TMEM108: variants seen among roughly 807,000 people sequenced by gnomAD.
The protein encoded by TMEM108 is cancer/testis antigen 124.
A neutral mutation model predicts 35.1 loss-of-function variants in TMEM108; 12 were observed. The observed-to-expected ratio is 0.34, with a 90% CI of 0.22 to 0.55. TMEM108 has a LOEUF of 0.55. Among genes scored for constraint, TMEM108 ranks in the 20% least tolerant of loss-of-function variants. The pLI is 0.89. For missense variants in TMEM108, 680 were observed against 753.3 expected (o/e 0.90, Z 1.14); for synonymous variants, 287 against 308.6 (o/e 0.93, Z 0.73).
intron 3 of TMEM108, among the ~76,000 whole-genome samples, chr3:133,265,354 C>T (rs1946682870): frequency 6.6e-6 from 1 of 152,132 alleles, no homozygotes; most frequent in Non-Finnish European, 1.5e-5. Context: ...GAGCTCCCAA[C>T]CTGTTGGTAG....
chr3:133,057,443 A>C (rs34975339), intron 2 of TMEM108, among the ~76,000 whole-genome samples: 1 of 11,462 alleles, frequency 8.7e-5, no homozygotes, highest in African/African-American at 2.0e-4. Context: ...GTGTATATAT[A>C]TATATATATA....
At chr3:133,149,694 A>G (rs1022223743) in intron 2 of TMEM108, among the ~76,000 whole-genome samples, 2 of 152,190 alleles carry the variant, frequency 1.3e-5, no homozygotes, top group African/African-American at 4.8e-5. Context: ...TAAAGGCTGA[A>G]TAGTATTCCC....
intron 2 of TMEM108, among the ~76,000 whole-genome samples, chr3:133,226,649 T>C (rs1946075635): frequency 6.6e-6 from 1 of 152,202 alleles, no homozygotes; most frequent in Non-Finnish European, 1.5e-5. Flanking sequence ...CAGGTTTCTT[T>C]GGAATTCCCT....
chr3:133,144,682 C>T (rs549708953), intron 2 of TMEM108, among the ~76,000 whole-genome samples: 1 of 152,308 alleles, frequency 6.6e-6, no homozygotes, highest in East Asian at 1.9e-4. Context: ...AAGATGGTAT[C>T]TCATTGTGCT....
intron 2 of TMEM108, among the ~76,000 whole-genome samples, chr3:133,152,255 A>G (rs1177224817): frequency 6.6e-6 from 1 of 152,204 alleles, no homozygotes; most frequent in East Asian, 1.9e-4. Context: ...TCTTGTGCAA[A>G]CAATTGGTCT....
At chr3:133,199,702 G>C (rs1378911193) in intron 2 of TMEM108, among the ~76,000 whole-genome samples, 1 of 152,130 alleles carries the variant, frequency 6.6e-6, no homozygotes, top group Non-Finnish European at 1.5e-5. Context: ...CCTCTACTGG[G>C]AGGTGCCTCC....
chr3:133,197,360 T>C (rs1945593938), intron 2 of TMEM108, among the ~76,000 whole-genome samples: 1 of 152,082 alleles, frequency 6.6e-6, no homozygotes, highest in African/African-American at 2.4e-5. Flanking sequence ...TGGGAGGTGA[T>C]ACCAGGGATC....
intron 2 of TMEM108, among the ~76,000 whole-genome samples, chr3:133,178,327 C>T (rs979832934): frequency 6.6e-6 from 1 of 152,074 alleles, no homozygotes; most frequent in African/African-American, 2.4e-5. Flanking sequence ...TCATATGGAA[C>T]CAAAAAAGAG....
chr3:133,227,605 A>C (rs1254981094), intron 2 of TMEM108, among the ~76,000 whole-genome samples: 1 of 151,642 alleles, frequency 6.6e-6, no homozygotes, highest in Admixed American at 6.6e-5. Context: ...CCTTAAAAAC[A>C]TTATGCTGAG....
intron 2 of TMEM108, among the ~76,000 whole-genome samples, chr3:133,137,854 T>C (rs1426668892): frequency 6.6e-6 from 1 of 152,160 alleles, no homozygotes; most frequent in Non-Finnish European, 1.5e-5. Context: ...CCATCCAAAG[T>C]GGCTTCCTGC....
At chr3:133,079,931 C>T (rs1297154555) in intron 2 of TMEM108, among the ~76,000 whole-genome samples, 1 of 152,148 alleles carries the variant, frequency 6.6e-6, no homozygotes, top group East Asian at 1.9e-4. Flanking sequence ...AGTGCTTTCT[C>T]TATATAGCCA....
At chr3:133,302,883 G>A (rs986793682) in intron 3 of TMEM108, among the ~76,000 whole-genome samples, 1 of 152,124 alleles carries the variant, frequency 6.6e-6, no homozygotes, top group African/African-American at 2.4e-5. Context: ...TATAAGAAGA[G>A]TAGTTGAAGC....
chr3:133,319,178 G>A (rs1189248545), intron 3 of TMEM108, among the ~76,000 whole-genome samples: 1 of 152,016 alleles, frequency 6.6e-6, no homozygotes, highest in Non-Finnish European at 1.5e-5. Context: ...TGGTAGCTAC[G>A]GCAAGCCCTT....
chr3:133,277,870 G>A (rs574680880), intron 3 of TMEM108, among the ~76,000 whole-genome samples: 28 of 152,282 alleles, frequency 1.8e-4, no homozygotes, highest in African/African-American at 6.7e-4. Context: ...GGTGCAAGGA[G>A]CAGCAATCTG....
intron 2 of TMEM108, among the ~76,000 whole-genome samples, chr3:133,171,999 C>G (rs1008417449): frequency 2.6e-5 from 4 of 152,150 alleles, no homozygotes; most frequent in African/African-American, 9.7e-5. Flanking sequence ...TTTATACATA[C>G]CTAGACTCTT....
At chr3:133,214,043 A>G (rs1161774592) in intron 2 of TMEM108, among the ~76,000 whole-genome samples, 1 of 151,950 alleles carries the variant, frequency 6.6e-6, no homozygotes, top group African/African-American at 2.4e-5. Flanking sequence ...AACAGAGACA[A>G]CTCTCTCAAA....
Position 133,380,258 on chromosome 3 carries a change from G to A in TMEM108, c.547G>A (p.Val183Ile), listed in dbSNP as rs758488754. 1.2e-6 allele frequency: 2 copies of A among 1,613,988 alleles called. No homozygotes were observed. Among genetic ancestry groups the A allele is most frequent in the East Asian group, 4.5e-5 (2 of 44,846 alleles). ...RKGAGNSSRPVPPAPGGHSRS... is the reference protein window; with the variant it reads ...RKGAGNSSRPIPPAPGGHSRS... ...AGGGGCTGGTAATTCATCACGCCCT[G>A]TCCCGCCTGCACCTGGTGGCCACTC... The change falls in exon 4 of 6, where the codon GTC becomes ATC. Residue 183 changes from valine (V) to isoleucine (I), a missense_variant. Val to Ile is a conservative substitution (Grantham distance 29, BLOSUM62 3). Transcript: ENST00000321871. The surrounding 1 kb of genome is among the most constrained non-coding windows in gnomAD (Gnocchi z 5.3).
intron 3 of TMEM108, among the ~76,000 whole-genome samples, chr3:133,290,208 C>T (rs1047055481): frequency 6.6e-5 from 10 of 152,130 alleles, no homozygotes; most frequent in African/African-American, 2.4e-4. Context: ...CCAGGGAAGG[C>T]GTCCCTAAGC....
At chr3:133,386,847 AATTAGTTGGGTGATCAAGATCAATACT>A in intron 4 of TMEM108, 1 of 625,774 alleles carries the variant, frequency 1.6e-6, no homozygotes, top group Non-Finnish European at 2.0e-6. Flanking sequence ...AAGTTGCAGT[AATTAGTTGGGTGATCAAGATCAATACT>A]ATTAGCTTCT....
Sources: gnomAD v4.1 joint callset for allele counts (sites outside exome capture counted in the v4.1 genomes callset) on GRCh38, gnomAD v4.1.1 for gene constraint, Gnocchi (gnomAD v3.1) non-coding constraint, MANE v1.5 for transcripts, NCBI Gene and HGNC (gene_info 2026-07-23, HGNC 2026-07-21) for gene names.